Variants in LRP1B observed in about 807,000 individuals in gnomAD.
The protein encoded by LRP1B is low-density lipoprotein receptor-related protein 1B.
In LRP1B, 217 loss-of-function variants were observed where a neutral mutation model predicts 556.6. That is an observed-to-expected ratio of 0.39 (90% confidence interval 0.35 to 0.44). The LOEUF (loss-of-function observed/expected upper bound fraction) is 0.44, where lower values mean the gene tolerates loss of function less well. LRP1B is among the 20% of genes least tolerant of loss of function. The probability of loss-of-function intolerance (pLI) is 1.00; values close to 1 mark genes in which losing one functional copy is unlikely to be tolerated. For synonymous variants in LRP1B, 2,047 were observed against 1,865.8 expected (o/e 1.10, Z -2.50); for missense variants, 5,053 against 5,620.8 (o/e 0.90, Z 3.23).
chr2:141,959,823 G>A (rs1234248338), intron 1 of LRP1B, among the ~76,000 whole-genome samples: 2 of 151,870 alleles, frequency 1.3e-5, no homozygotes, highest in Non-Finnish European at 1.5e-5. Flanking sequence ...ATAGACACAT[G>A]TGGCTGGTAG....
chr2:141,460,861 C>G (rs1391500753), intron 3 of LRP1B, among the ~76,000 whole-genome samples: 1 of 151,828 alleles, frequency 6.6e-6, no homozygotes, highest in Non-Finnish European at 1.5e-5. Flanking sequence ...AAAGAGCTGC[C>G]CCCAACTGAG....
chr2:140,995,599 C>A (rs544233869), intron 15 of LRP1B, among the ~76,000 whole-genome samples: 4 of 152,002 alleles, frequency 2.6e-5, no homozygotes, highest in South Asian at 2.1e-4. Context: ...AATTTTACTA[C>A]CTCCATCTTA....
intron 2 of LRP1B, among the ~76,000 whole-genome samples, chr2:141,669,844 T>C (rs1269464710): frequency 6.6e-6 from 1 of 152,072 alleles, no homozygotes; most frequent in Non-Finnish European, 1.5e-5. Context: ...AACCTCTGTC[T>C]CCCAGACTCA....
At chr2:141,032,264 A>G (rs1343589916) in intron 11 of LRP1B, among the ~76,000 whole-genome samples, 1 of 152,116 alleles carries the variant, frequency 6.6e-6, no homozygotes, top group Non-Finnish European at 1.5e-5. Flanking sequence ...ACATAAATGC[A>G]TCATGCCTCA....
At chr2:141,779,366 AC>A (rs1363240765) in intron 2 of LRP1B, among the ~76,000 whole-genome samples, 8 of 151,820 alleles carry the variant, frequency 5.3e-5, no homozygotes, top group Non-Finnish European at 1.2e-4. Flanking sequence ...AAAAAGATAT[AC>A]TGCATTATCA....
At chr2:141,267,669 C>G (rs1393680601) in intron 3 of LRP1B, among the ~76,000 whole-genome samples, 1 of 152,056 alleles carries the variant, frequency 6.6e-6, no homozygotes, top group Non-Finnish European at 1.5e-5. Context: ...AAAATGCAAC[C>G]AAATTTACCA....
chr2:141,429,802 C>T (rs1238537431), intron 3 of LRP1B, among the ~76,000 whole-genome samples: 1 of 152,024 alleles, frequency 6.6e-6, no homozygotes, highest in Non-Finnish European at 1.5e-5. Context: ...CCATCCATGT[C>T]CCTGCAAAGG....
chr2:141,424,483 G>A (rs1447374956), intron 3 of LRP1B, among the ~76,000 whole-genome samples: 1 of 152,142 alleles, frequency 6.6e-6, no homozygotes, highest in African/African-American at 2.4e-5. Context: ...ACATTGCAAT[G>A]TGACTCATAA....
At chr2:141,846,380 G>T (rs952169613) in intron 1 of LRP1B, among the ~76,000 whole-genome samples, 1 of 151,400 alleles carries the variant, frequency 6.6e-6, no homozygotes, top group Non-Finnish European at 1.5e-5. Context: ...CTTTGAAATG[G>T]CAATGAAAGC....
chr2:140,829,361 C>T (rs1359504856), intron 31 of LRP1B, among the ~76,000 whole-genome samples: 2 of 152,094 alleles, frequency 1.3e-5, no homozygotes, highest in African/African-American at 4.8e-5. Flanking sequence ...GAACATTTTC[C>T]AGAATAGGAT....
chr2:140,454,257 T>G (rs558072039), intron 62 of LRP1B, among the ~76,000 whole-genome samples: 1 of 152,298 alleles, frequency 6.6e-6, no homozygotes, highest in African/African-American at 2.4e-5. Flanking sequence ...CAAGCAATTC[T>G]CATGCCTCAC....
intron 1 of LRP1B, among the ~76,000 whole-genome samples, chr2:141,901,996 G>A (rs1699631754): frequency 6.6e-6 from 1 of 151,444 alleles, no homozygotes; most frequent in Non-Finnish European, 1.5e-5. Flanking sequence ...TGAAAAATGG[G>A]TCATATTTTA....
chr2:141,759,601 C>T (rs58008480), intron 2 of LRP1B, among the ~76,000 whole-genome samples: 31,925 of 151,976 alleles, frequency 0.21, 3,482 homozygotes, highest in African/African-American at 0.24. Context: ...ACATGTTATA[C>T]GCTAAATCAT....
intron 77 of LRP1B, among the ~76,000 whole-genome samples, chr2:140,344,234 G>C (rs1248140717): frequency 6.6e-6 from 1 of 151,766 alleles, no homozygotes; most frequent in African/African-American, 2.4e-5. Flanking sequence ...TTCACTTTTT[G>C]GCATTCTGAC....
In LRP1B at chr2:140,903,176, G is replaced by T. The variant is rs543505582; in HGVS notation, c.3521-11C>A. The T allele has an allele frequency of 4.3e-6, 7 of 1,611,754 alleles. No individual in the cohort carries two copies. Among genetic ancestry groups the T allele is most frequent in the Non-Finnish European group, 5.9e-6 (7 of 1,179,190 alleles). ...TCAGCGAACACTCATCTATAAAAAGGGGGGAACAGATTATAGGTCTTATCA... is the reference window on the plus strand; with the variant it reads ...TCAGCGAACACTCATCTATAAAAAGTGGGGAACAGATTATAGGTCTTATCA... On this transcript the variant is annotated splice_polypyrimidine_tract_variant and intron_variant, in intron 22 of 90. Coordinates refer to ENST00000389484, the MANE Select transcript of LRP1B (RefSeq NM_018557.3).
intron 1 of LRP1B, among the ~76,000 whole-genome samples, chr2:142,061,283 T>C (rs1003072409): frequency 2.0e-5 from 3 of 151,950 alleles, no homozygotes; most frequent in Non-Finnish European, 4.4e-5. Flanking sequence ...GTTTTTGGAA[T>C]GAAAGAAGTC....
At chr2:141,631,420 C>A (rs1688904943) in intron 2 of LRP1B, among the ~76,000 whole-genome samples, 1 of 151,022 alleles carries the variant, frequency 6.6e-6, no homozygotes, top group Admixed American at 6.7e-5. Flanking sequence ...TATAGGAGAT[C>A]ATTGTGTGAA....
chr2:141,471,731 T>A (rs1319140017), intron 3 of LRP1B, among the ~76,000 whole-genome samples: 1 of 152,226 alleles, frequency 6.6e-6, no homozygotes, highest in Admixed American at 6.5e-5. Context: ...CCCTGGTATT[T>A]AGCTAAATAT....
chr2:140,755,074 G>A (rs145957553), intron 35 of LRP1B, among the ~76,000 whole-genome samples: 3 of 151,992 alleles, frequency 2.0e-5, no homozygotes, highest in African/African-American at 7.2e-5. Flanking sequence ...ACATAACTTA[G>A]ATAAAATGTA....
Sources: allele counts gnomAD v4.1 joint callset (sites outside exome capture counted in the v4.1 genomes callset), GRCh38; gene constraint gnomAD v4.1.1; transcripts MANE v1.5; gene names NCBI Gene and HGNC (gene_info 2026-07-23, HGNC 2026-07-21).